PRKD1: variants seen among roughly 807,000 people sequenced by gnomAD.
The protein encoded by PRKD1 is protein kinase D1, also known as serine/threonine-protein kinase D1.
Under a neutral mutation model 95.9 loss-of-function variants are expected in PRKD1, and 63 were observed. The ratio of observed to expected loss-of-function variants is 0.66; its 90% CI spans 0.54 to 0.81. PRKD1 has a LOEUF of 0.81. Ranked by LOEUF, PRKD1 falls within the 30% of genes least tolerant of loss-of-function variation. PRKD1 has a pLI of 0.00. For missense variants in PRKD1, 1,048 were observed against 1,165.3 expected, an observed-to-expected ratio of 0.90 and a Z score of 1.47; for synonymous variants, 425 against 423.1, an observed-to-expected ratio of 1.00 and a Z score of -0.05.
chr14:29,752,663 G>A (rs1456443031), intron 1 of PRKD1, among the ~76,000 whole-genome samples: 2 of 151,710 alleles, frequency 1.3e-5, no homozygotes, highest in Admixed American at 6.6e-5. Flanking sequence ...TCATTTTTAA[G>A]AACCCATGAG....
intron 12 of PRKD1, among the ~76,000 whole-genome samples, chr14:29,626,148 T>G (rs142140143): frequency 6.6e-6 from 1 of 152,160 alleles, no homozygotes; most frequent in African/African-American, 2.4e-5. Context: ...CAAAAGAAAA[T>G]GGAATTAATT....
At chr14:29,677,896 G>C (rs553544673) in intron 2 of PRKD1, among the ~76,000 whole-genome samples, 61 of 152,272 alleles carry the variant, frequency 4.0e-4, no homozygotes, top group Non-Finnish European at 2.8e-4. Context: ...TGAATGGACT[G>C]TGCCTTACAT....
chr14:29,695,676 G>C (rs1375316954), intron 2 of PRKD1, among the ~76,000 whole-genome samples: 1 of 152,210 alleles, frequency 6.6e-6, no homozygotes, highest in Non-Finnish European at 1.5e-5. Context: ...GACATTCCAA[G>C]TGGAGATGTT....
intron 2 of PRKD1, among the ~76,000 whole-genome samples, chr14:29,675,771 C>T (rs1369310054): frequency 3.9e-5 from 6 of 151,996 alleles, no homozygotes; most frequent in African/African-American, 1.5e-4. Context: ...AAATGTGGCA[C>T]ATATACACCA....
intron 11 of PRKD1, among the ~76,000 whole-genome samples, chr14:29,627,356 T>G (rs557252480): frequency 5.3e-5 from 8 of 152,310 alleles, no homozygotes; most frequent in Non-Finnish European, 1.2e-4. Flanking sequence ...TGAATCACTG[T>G]GAGTGAGCTG....
In PRKD1 at chr14:29,684,798, C is replaced by T. The variant is rs45439798; in HGVS notation, c.404-18590G>A. 6.4e-3 allele frequency among the ~76,000 whole-genome samples: 967 copies of T among 152,246 alleles called. 9 individuals are homozygous for T. The highest frequency in any genetic ancestry group is 0.022 in the African/African-American group (919 of 41,544). On this transcript the variant is annotated intron_variant, in intron 2 of 17. Transcript: ENST00000331968. ...CCTCAGTAAAAGTTCTGAAAATATA[C>T]TTGGCTTCTCCTGCAGTTATCACAT...
intron 1 of PRKD1, among the ~76,000 whole-genome samples, chr14:29,806,703 C>CT (rs1447641810): frequency 1.3e-5 from 2 of 152,112 alleles, no homozygotes; most frequent in African/African-American, 4.8e-5. Flanking sequence ...AAAGAAAAAG[C>CT]TTAACTGGAG....
At position 29,597,636 on chromosome 14, in the gene PRKD1, A is replaced by C; in HGVS notation, c.2289T>G (p.Ser763=). Residue 763 remains serine, a synonymous_variant, in exon 16 of 18, where the codon TCT becomes TCG. Transcript: ENST00000331968. ...EVLRNKGYNR[S]LDMWSVGVII... ...TGACCCCAACAGACCACATGTCTAG[A>C]GAGCGATTGTAGCCCTTGTTCCTTA... 6.2e-7 allele frequency: 1 copy of C among 1,614,088 alleles called. No homozygotes were observed. The highest frequency in any genetic ancestry group is 8.5e-7 in the Non-Finnish European group (1 of 1,179,984).
intron 11 of PRKD1, among the ~76,000 whole-genome samples, chr14:29,628,291 T>C (rs995095645): frequency 2.6e-5 from 4 of 152,208 alleles, no homozygotes; most frequent in African/African-American, 7.2e-5. Flanking sequence ...TTTTAGAAAG[T>C]GTAAGCTGTA....
intron 16 of PRKD1, 72 bp downstream of exon 16, chr14:29,597,419 T>G: frequency 7.4e-7 from 1 of 1,353,330 alleles, no homozygotes; most frequent in East Asian, 2.6e-5. Flanking sequence ...AATTTACAAT[T>G]AAATTAATTT....
intron 1 of PRKD1, among the ~76,000 whole-genome samples, chr14:29,907,036 C>G (rs1594618542): frequency 6.6e-6 from 1 of 152,300 alleles, no homozygotes; most frequent in South Asian, 2.1e-4. Context: ...AATATTTCAA[C>G]TAGGTATCCA....
At chr14:29,660,609 C>T (rs192569963) in intron 4 of PRKD1, among the ~76,000 whole-genome samples, 50 of 152,246 alleles carry the variant, frequency 3.3e-4, no homozygotes, top group African/African-American at 1.1e-3. Flanking sequence ...TAGGAACAGA[C>T]GTTCTACAAC....
intron 2 of PRKD1, among the ~76,000 whole-genome samples, chr14:29,720,004 T>C (rs978574162): frequency 1.3e-5 from 2 of 152,220 alleles, no homozygotes; most frequent in Admixed American, 1.3e-4. Flanking sequence ...CAGCAAATAA[T>C]TCCTTTAAAG....
intron 2 of PRKD1, among the ~76,000 whole-genome samples, chr14:29,677,292 T>G (rs1883286548): frequency 6.6e-6 from 1 of 152,146 alleles, no homozygotes; most frequent in African/African-American, 2.4e-5. Flanking sequence ...TGAAAATGAG[T>G]GCTATTATTT....
chr14:29,898,409 T>C (rs1240118298), intron 1 of PRKD1, among the ~76,000 whole-genome samples: 2 of 152,146 alleles, frequency 1.3e-5, no homozygotes, highest in African/African-American at 2.4e-5. Context: ...GGGAAGGGTA[T>C]AGTATTTTTT....
chr14:29,880,384 C>A (rs1893460147), intron 1 of PRKD1, among the ~76,000 whole-genome samples: 2 of 152,208 alleles, frequency 1.3e-5, no homozygotes, highest in Admixed American at 1.3e-4. Context: ...CCTGCTGGTA[C>A]ACAGAAGTCA....
At chr14:29,625,310 T>C (rs1313754026) in intron 12 of PRKD1, among the ~76,000 whole-genome samples, 1 of 152,218 alleles carries the variant, frequency 6.6e-6, no homozygotes, top group East Asian at 1.9e-4. Context: ...TACTCCTCCG[T>C]CACTGTAGTA....
At position 29,851,467 on chromosome 14, in the gene PRKD1, C is replaced by G. The variant is rs141891974; in HGVS notation, c.264+75782G>C. On this transcript the variant is annotated intron_variant, in intron 1 of 17. Coordinates refer to ENST00000331968, the MANE Select transcript of PRKD1 (RefSeq NM_002742.3). ...AAGACATACAAGTGGCCAAAAACTA[C>G]GTGAAAAAATGCTCACCATCGCTAA... 3.9e-5 allele frequency among the ~76,000 whole-genome samples: 6 copies of G among 152,110 alleles called. No homozygotes were observed. In the East Asian group the frequency reaches 1.2e-3, roughly 29 times the overall value.
At chr14:29,667,843 A>G (rs549436811) in intron 2 of PRKD1, among the ~76,000 whole-genome samples, 1 of 152,282 alleles carries the variant, frequency 6.6e-6, no homozygotes, top group East Asian at 1.9e-4. Context: ...AGCTGGATTC[A>G]GACATTTTTG....
Sources: gnomAD v4.1 joint callset for allele counts (sites outside exome capture counted in the v4.1 genomes callset) on GRCh38, gnomAD v4.1.1 for gene constraint, MANE v1.5 for transcripts, NCBI Gene and HGNC (gene_info 2026-07-23, HGNC 2026-07-21) for gene names.